The following ITPR2 variants were observed in gnomAD, a reference collection of about 807,000 sequenced individuals.
The protein encoded by ITPR2 is inositol 1,4,5-trisphosphate-gated calcium channel ITPR2.
A neutral mutation model predicts 317.1 loss-of-function variants in ITPR2; 207 were observed. That is an observed-to-expected ratio of 0.65 (90% confidence interval 0.58 to 0.73). ITPR2 has a LOEUF of 0.73. Among genes scored for constraint, ITPR2 ranks in the 30% least tolerant of loss-of-function variants. The pLI, the probability that ITPR2 is intolerant of heterozygous loss-of-function variation, is 0.00. For missense variants in ITPR2, 2,613 were observed against 3,284.0 expected (o/e 0.80, Z 4.99); for synonymous variants, 1,156 against 1,149.1 (o/e 1.01, Z -0.12).
chr12:26,475,529 G>T, intron 44 of ITPR2, 111 bp from the exon 45 acceptor site: 2 of 1,120,610 alleles, frequency 1.8e-6, no homozygotes, highest in Admixed American at 2.7e-5. Flanking sequence ...AGTATAAAAG[G>T]ACTCTAAATG....
At chr12:26,674,003 T>C (rs898757469) in intron 13 of ITPR2, among the ~76,000 whole-genome samples, 35 of 138,724 alleles carry the variant, frequency 2.5e-4, no homozygotes, top group African/African-American at 9.1e-4. Context: ...GTGAAGGACC[T>C]CTTCAAGGAG....
intron 2 of ITPR2, among the ~76,000 whole-genome samples, chr12:26,746,422 G>A (rs1949325167): frequency 6.6e-6 from 1 of 152,168 alleles, no homozygotes; most frequent in African/African-American, 2.4e-5. Flanking sequence ...AATAGAAAAT[G>A]AGCAGAAACA....
intron 21 of ITPR2, among the ~76,000 whole-genome samples, chr12:26,652,311 G>C (rs969697465): frequency 6.6e-6 from 1 of 152,154 alleles, no homozygotes; most frequent in African/African-American, 2.4e-5. Flanking sequence ...GATTTCTGTG[G>C]TTCAATTGGC....
intron 37 of ITPR2, among the ~76,000 whole-genome samples, chr12:26,528,594 G>A (rs1252573394): frequency 1.3e-5 from 2 of 152,140 alleles, no homozygotes; most frequent in African/African-American, 4.8e-5. Flanking sequence ...CTTATGTCCA[G>A]GTTTATCGTA....
chr12:26,779,797 G>A (rs1950044551), intron 2 of ITPR2, among the ~76,000 whole-genome samples: 1 of 152,204 alleles, frequency 6.6e-6, no homozygotes, highest in Non-Finnish European at 1.5e-5. Context: ...ATGGCCAGAT[G>A]TGCGATTATA....
intron 13 of ITPR2, among the ~76,000 whole-genome samples, chr12:26,672,653 G>C (rs1468105781): frequency 1.6e-4 from 24 of 151,480 alleles, no homozygotes; most frequent in African/African-American, 5.6e-4. Context: ...AGAAAAGCAA[G>C]AGCAAACACA....
Position 26,725,750 on chromosome 12 carries a change from A to T in ITPR2, c.179T>A (p.Val60Glu). 6.2e-7 allele frequency: 1 copy of T among 1,612,560 alleles called. No homozygotes were observed. The highest frequency in any genetic ancestry group is 8.5e-7 in the Non-Finnish European group (1 of 1,178,846). ...GGCAGAATATCTGTTCATAGGGCAC[A>T]CCTTGAAAAGGCAGTCTGTGACAAA... is the stretch of plus-strand genomic sequence containing the variant. ...PKKFRDCLFK[V>E]CPMNRYSAQK... The change falls in exon 3 of 57, where the codon GTG becomes GAG. Residue 60 changes from valine to glutamate, a missense_variant. This residue lies in a region of ITPR2 where 515 missense variants were observed against 789.4 expected (regional missense o/e 0.65). Transcript: ENST00000381340.
intron 48 of ITPR2, among the ~76,000 whole-genome samples, chr12:26,433,475 A>C (rs1941273017): frequency 6.6e-6 from 1 of 152,198 alleles, no homozygotes; most frequent in African/African-American, 2.4e-5. Context: ...GATTTTTAAA[A>C]ATTATATTAA....
chr12:26,485,267 T>G (rs1476096625), intron 41 of ITPR2, among the ~76,000 whole-genome samples: 2 of 152,240 alleles, frequency 1.3e-5, no homozygotes, highest in East Asian at 3.8e-4. Flanking sequence ...CGTGTTTATT[T>G]GAATTTATAT....
At chr12:26,727,860 C>G (rs1264374351) in intron 2 of ITPR2, among the ~76,000 whole-genome samples, 1 of 152,156 alleles carries the variant, frequency 6.6e-6, no homozygotes, top group East Asian at 1.9e-4. Context: ...GGAGAAAACA[C>G]AGCCAAATTT....
chr12:26,523,978 G>A (rs776442199), intron 37 of ITPR2, among the ~76,000 whole-genome samples: 9 of 152,212 alleles, frequency 5.9e-5, no homozygotes, highest in Non-Finnish European at 1.0e-4. Context: ...AATCTGCACG[G>A]AGTGTGCACA....
chr12:26,758,800 A>C (rs1949577323), intron 2 of ITPR2, among the ~76,000 whole-genome samples: 1 of 152,264 alleles, frequency 6.6e-6, no homozygotes, highest in Non-Finnish European at 1.5e-5. Flanking sequence ...CCTACATTCT[A>C]CTTAGCTCAA....
chr12:26,349,134 A>G (rs1591953009), intron 55 of ITPR2, among the ~76,000 whole-genome samples: 1 of 152,326 alleles, frequency 6.6e-6, no homozygotes, highest in East Asian at 1.9e-4. Flanking sequence ...GGCAACACAC[A>G]GAGTCCCTGT....
At chr12:26,348,748 G>T (rs1938384356) in intron 55 of ITPR2, among the ~76,000 whole-genome samples, 1 of 152,092 alleles carries the variant, frequency 6.6e-6, no homozygotes, top group African/African-American at 2.4e-5. Flanking sequence ...CAGAACTTTG[G>T]GAGCCAAGGT....
intron 42 of ITPR2, 87 bp from the exon 43 acceptor site, chr12:26,481,328 T>C: frequency 1.3e-6 from 1 of 750,698 alleles, no homozygotes. Flanking sequence ...CATAATCACC[T>C]TAATTTTTGA....
chr12:26,353,488 T>C (rs533483193), intron 55 of ITPR2, among the ~76,000 whole-genome samples: 195 of 152,368 alleles, frequency 1.3e-3, no homozygotes, highest in Non-Finnish European at 1.9e-3. Context: ...CAGAGGGGTC[T>C]GCCCAAATTT....
At chr12:26,350,283 G>A (rs1366273900) in intron 55 of ITPR2, among the ~76,000 whole-genome samples, 2 of 152,178 alleles carry the variant, frequency 1.3e-5, no homozygotes, top group Non-Finnish European at 2.9e-5. Context: ...GGGCTCTGGA[G>A]TTTCAAAGAC....
Position 26,656,776 on chromosome 12 carries a change from A to C in ITPR2, c.2193-228T>G, listed in dbSNP as rs546638030. On this transcript the variant is annotated intron_variant, in intron 18 of 56. Transcript: ENST00000381340. ...CAATACCTCTTACTTGTTTCAGCAA[A>C]ATGTGTCTGCTGGAGAGTGTCACTA... 7.9e-5 allele frequency among the ~76,000 whole-genome samples: 12 copies of C among 152,260 alleles called. No homozygotes were observed. The South Asian group carries it at 2.5e-3, about 32-fold the overall frequency.
chr12:26,641,390 T>C (rs1946983388), intron 21 of ITPR2, among the ~76,000 whole-genome samples: 1 of 151,542 alleles, frequency 6.6e-6, no homozygotes, highest in Admixed American at 6.6e-5. Flanking sequence ...AAGTCAACTG[T>C]GTATAAAGAA....
Sources: gnomAD v4.1 joint callset for allele counts (sites outside exome capture counted in the v4.1 genomes callset) on GRCh38, gnomAD v4.1.1 for gene constraint, gnomAD v4.1.1 regional missense constraint, MANE v1.5 for transcripts, NCBI Gene and HGNC (gene_info 2026-07-23, HGNC 2026-07-21) for gene names.